The following ANGPT1 variants were observed in gnomAD, a reference collection of about 807,000 sequenced individuals.
ANGPT1 encodes the protein angiopoietin-1.
Under a neutral mutation model 62.2 loss-of-function variants are expected in ANGPT1, and 17 were observed. The ratio of observed to expected loss-of-function variants is 0.27; its 90% confidence interval spans 0.19 to 0.41. ANGPT1 has a LOEUF of 0.41. Among genes scored for constraint, ANGPT1 ranks in the 10% least tolerant of loss-of-function variants. The pLI is 1.00. For missense variants in ANGPT1, 478 were observed against 594.9 expected (o/e 0.80, Z 2.04); for synonymous variants, 199 against 198.9 (o/e 1.00, Z 0.00).
chr8:107,356,615 A>G (rs1477677111), intron 1 of ANGPT1, among the ~76,000 whole-genome samples: 2 of 152,210 alleles, frequency 1.3e-5, no homozygotes, highest in African/African-American at 4.8e-5. Flanking sequence ...GTTAGAGCTT[A>G]TATCTGAAAA....
chr8:107,283,822 C>G (rs1351993559), intron 7 of ANGPT1, among the ~76,000 whole-genome samples: 2 of 152,126 alleles, frequency 1.3e-5, no homozygotes, highest in Admixed American at 6.6e-5. Flanking sequence ...TAATGAGTAG[C>G]AGTAGAAGAG....
chr8:107,382,104 T>C (rs1816649897), intron 1 of ANGPT1, among the ~76,000 whole-genome samples: 1 of 152,174 alleles, frequency 6.6e-6, no homozygotes, highest in South Asian at 2.1e-4. Context: ...CTGCTACTTT[T>C]AATGGCAAAA....
intron 1 of ANGPT1, among the ~76,000 whole-genome samples, chr8:107,377,825 T>C (rs1433175): frequency 0.25 from 38,222 of 152,036 alleles, 5,755 homozygotes; most frequent in East Asian, 0.34. Context: ...GATGAGTGCA[T>C]TGAATAGAAG....
chr8:107,288,314 A>C (rs1814192842), intron 6 of ANGPT1, among the ~76,000 whole-genome samples: 1 of 152,150 alleles, frequency 6.6e-6, no homozygotes, highest in South Asian at 2.1e-4. Context: ...TTTGCTTCCA[A>C]GTACTTAAGT....
intron 1 of ANGPT1, among the ~76,000 whole-genome samples, chr8:107,446,589 C>T (rs990814489): frequency 2.6e-5 from 4 of 152,196 alleles, no homozygotes; most frequent in South Asian, 2.1e-4. Flanking sequence ...AGATTTTGAA[C>T]CTCTATATTA....
chr8:107,477,543 G>T (rs181731856), intron 1 of ANGPT1, among the ~76,000 whole-genome samples: 28 of 152,176 alleles, frequency 1.8e-4, no homozygotes, highest in Admixed American at 1.5e-3. Flanking sequence ...AAAAGCTCTG[G>T]CTGTCAATAT....
At chr8:107,411,750 T>C (rs768988531) in intron 1 of ANGPT1, among the ~76,000 whole-genome samples, 2 of 152,180 alleles carry the variant, frequency 1.3e-5, no homozygotes, top group Non-Finnish European at 2.9e-5. Context: ...TTGGCTCAGA[T>C]CACTGGGAGT....
chr8:107,386,373 T>C (rs1586278916), intron 1 of ANGPT1, among the ~76,000 whole-genome samples: 1 of 152,072 alleles, frequency 6.6e-6, no homozygotes, highest in East Asian at 1.9e-4. Flanking sequence ...AACCTGCATG[T>C]TGTACACCTT....
chr8:107,317,631 T>TA (rs1815047186), intron 4 of ANGPT1, among the ~76,000 whole-genome samples: 1 of 54,730 alleles, frequency 1.8e-5, no homozygotes, highest in African/African-American at 9.2e-5. Context: ...TATTTTTATT[T>TA]TTATTTTTTT....
intron 1 of ANGPT1, among the ~76,000 whole-genome samples, chr8:107,407,332 C>A (rs1219345141): frequency 6.7e-6 from 1 of 150,100 alleles, no homozygotes; most frequent in African/African-American, 2.5e-5. Flanking sequence ...ATGCATAATT[C>A]AAAAAAATCT....
At chr8:107,387,103 G>A (rs1816746126) in intron 1 of ANGPT1, among the ~76,000 whole-genome samples, 1 of 152,104 alleles carries the variant, frequency 6.6e-6, no homozygotes, top group African/African-American at 2.4e-5. Context: ...GCACAGCACT[G>A]TGAAAACAAA....
At position 107,363,296 on chromosome 8, in the gene ANGPT1, T is replaced by C. The variant is rs58952547; in HGVS notation, c.298-16199A>G. 9.7e-3 allele frequency among the ~76,000 whole-genome samples: 1,474 copies of C among 152,338 alleles called. 26 individuals are homozygous for C. The highest frequency in any genetic ancestry group is 0.028 in the African/African-American group (1,185 of 41,586). On this transcript the variant is annotated intron_variant, in intron 1 of 8. Coordinates refer to ENST00000517746, the MANE Select transcript of ANGPT1 (RefSeq NM_001146.5). ...GTGCCATGTAAATGTCAGATACTTA[T>C]ACTTCGATGTGGGTAGGTTGGAAGA... is the stretch of plus-strand genomic sequence containing the variant.
rs144126873 is a variant in ANGPT1, at chr8:107,497,471, C to T, written c.88G>A (p.Gly30Arg). Reference protein sequence around the residue: ...SNQRRSPENSGRRYNRIQHGQ... With the variant: ...SNQRRSPENSRRRYNRIQHGQ... Reference sequence around the variant, plus strand: ...TGTTGAATCCGGTTATATCTTCTCCCACTGTTTTCTGGACTTCGGCGCTGA... The same window carrying T: ...TGTTGAATCCGGTTATATCTTCTCCTACTGTTTTCTGGACTTCGGCGCTGA... The change falls in exon 1 of 9, where the codon GGG (glycine) becomes AGG (arginine). Residue 30 changes from glycine (G) to arginine (R), a missense_variant. Physicochemically the swap from Gly to Arg is moderately radical, Grantham distance 125. Transcript: ENST00000517746. 1 of 1,614,038 alleles carries T rather than the reference C, an allele frequency of 6.2e-7. No individual in the cohort carries two copies. The highest frequency in any genetic ancestry group is 8.5e-7 in the Non-Finnish European group (1 of 1,180,038).
intron 7 of ANGPT1, among the ~76,000 whole-genome samples, chr8:107,273,387 C>T (rs1025634873): frequency 2.0e-5 from 3 of 152,060 alleles, no homozygotes; most frequent in Admixed American, 2.0e-4. Flanking sequence ...TGCAAATAAG[C>T]CTCCAGCATG....
chr8:107,344,850 G>C (rs1234010776), intron 2 of ANGPT1, among the ~76,000 whole-genome samples: 4 of 152,164 alleles, frequency 2.6e-5, no homozygotes, highest in African/African-American at 9.7e-5. Context: ...TAAATGAATA[G>C]AGTGTATGGA....
At chr8:107,474,406 A>C (rs1465277112) in intron 1 of ANGPT1, among the ~76,000 whole-genome samples, 1 of 152,216 alleles carries the variant, frequency 6.6e-6, no homozygotes, top group Non-Finnish European at 1.5e-5. Flanking sequence ...AAAAACGCTC[A>C]ATAAATTAGG....
intron 1 of ANGPT1, among the ~76,000 whole-genome samples, chr8:107,444,196 G>A (rs1811554463): frequency 6.6e-6 from 1 of 152,186 alleles, no homozygotes; most frequent in Non-Finnish European, 1.5e-5. Context: ...ACTATTAAGT[G>A]TTGAGCAAGA....
At chr8:107,367,603 G>A (rs1816303480) in intron 1 of ANGPT1, among the ~76,000 whole-genome samples, 1 of 152,104 alleles carries the variant, frequency 6.6e-6, no homozygotes, top group South Asian at 2.1e-4. Context: ...TATACTGTTT[G>A]GTAGTATTGT....
intron 1 of ANGPT1, among the ~76,000 whole-genome samples, chr8:107,473,599 A>G (rs1812422488): frequency 6.6e-6 from 1 of 152,110 alleles, no homozygotes; most frequent in Admixed American, 6.6e-5. Context: ...GGAACCATAG[A>G]GCTTTACTTT....
Sources: gnomAD v4.1 joint callset for allele counts (sites outside exome capture counted in the v4.1 genomes callset) on GRCh38, gnomAD v4.1.1 for gene constraint, MANE v1.5 for transcripts, NCBI Gene and HGNC (gene_info 2026-07-23, HGNC 2026-07-21) for gene names.